CHD9: variants seen among roughly 807,000 people sequenced by gnomAD.
The protein encoded by CHD9 is ATP-dependent chromatin remodeler CHD9.
CHD9 carries 77 observed loss-of-function variants against 316.1 expected under a neutral mutation model. The ratio of observed to expected loss-of-function variants is 0.24; its 90% CI spans 0.20 to 0.29. CHD9 has a LOEUF of 0.29. Among genes scored for constraint, CHD9 ranks in the 10% least tolerant of loss-of-function variants. CHD9 has a pLI of 1.00. For synonymous variants in CHD9, 1,129 were observed against 1,158.3 expected, an observed-to-expected ratio of 0.97 and a Z score of 0.51; for missense variants, 2,763 against 3,438.1, an observed-to-expected ratio of 0.80 and a Z score of 4.91.
chr16:53,187,700 T>G (rs1454398134), intron 2 of CHD9, among the ~76,000 whole-genome samples: 1 of 152,086 alleles, frequency 6.6e-6, no homozygotes, highest in African/African-American at 2.4e-5. Flanking sequence ...TGTCAAAAAT[T>G]AAAAGATATT....
chr16:53,166,834 AATCTTTGAGAGC>A (rs1241553508), intron 2 of CHD9, among the ~76,000 whole-genome samples: 260 of 152,288 alleles, frequency 1.7e-3, no homozygotes, highest in African/African-American at 6.1e-3. Context: ...GAAAGAGGAT[AATCTTTGAGAGC>A]TGTTTTTCCT....
At chr16:53,086,201 C>A (rs563331870) in intron 1 of CHD9, among the ~76,000 whole-genome samples, 8 of 152,274 alleles carry the variant, frequency 5.3e-5, no homozygotes, top group Admixed American at 3.9e-4. Context: ...CCCAGATGTT[C>A]AGGCAACGGT....
chr16:53,074,550 G>A (rs2034363587), intron 1 of CHD9, among the ~76,000 whole-genome samples: 1 of 152,182 alleles, frequency 6.6e-6, no homozygotes, highest in African/African-American at 2.4e-5. Flanking sequence ...AGGCCCCAGG[G>A]TCCCCATGCT....
intron 2 of CHD9, among the ~76,000 whole-genome samples, chr16:53,188,471 A>G (rs185200601): frequency 6.6e-6 from 1 of 151,558 alleles, no homozygotes; most frequent in South Asian, 2.1e-4. Flanking sequence ...ATACTTGCCA[A>G]TGCCTGTTTT....
At chr16:53,132,721 G>T (rs1226517665) in intron 1 of CHD9, among the ~76,000 whole-genome samples, 1 of 149,052 alleles carries the variant, frequency 6.7e-6, no homozygotes, top group East Asian at 2.0e-4. Context: ...TTAAATAAAA[G>T]ACTTCTATTG....
rs529217172 is a variant in CHD9, at chr16:53,099,638, T to C, written c.-165+44561T>C. Among the ~76,000 whole-genome samples the C allele has an allele frequency of 5.9e-5, 9 of 152,268 alleles. No homozygotes were observed. In the South Asian group the frequency reaches 1.9e-3, roughly 32 times the overall value. On this transcript the variant is annotated intron_variant, in intron 1 of 38. Coordinates refer to ENST00000447540, the MANE Select transcript of CHD9 (RefSeq NM_001308319.2). ...GCCAGACAGAGGCAACCTGACCTCT[T>C]CCTCCTCCGGACTCCTCCGGGCGGG...
At chr16:53,286,192 T>A in intron 25 of CHD9, 34 bp from the exon 26 acceptor site, 2 of 1,281,960 alleles carry the variant, frequency 1.6e-6, no homozygotes, top group Non-Finnish European at 1.1e-6. Flanking sequence ...CTTCTTTTTA[T>A]CTTTTTTACT....
intron 2 of CHD9, among the ~76,000 whole-genome samples, chr16:53,203,514 C>G (rs147048443): frequency 7.6e-4 from 115 of 152,268 alleles, no homozygotes; most frequent in African/African-American, 2.7e-3. Context: ...TTGCTCAAGG[C>G]TTGCTATCTT....
intron 7 of CHD9, 130 bp downstream of exon 7, chr16:53,227,733 A>G (rs2047774549): frequency 4.1e-6 from 1 of 241,538 alleles, no homozygotes; most frequent in Non-Finnish European, 7.6e-6. Flanking sequence ...TTATACCTGC[A>G]TAACTCAAGA....
intron 2 of CHD9, among the ~76,000 whole-genome samples, chr16:53,164,137 T>G (rs1381840220): frequency 6.6e-6 from 1 of 152,228 alleles, no homozygotes; most frequent in African/African-American, 2.4e-5. Context: ...AATGATTTCT[T>G]CCCTCTTCTG....
chr16:53,055,406 G>C (rs751458187), intron 1 of CHD9, among the ~76,000 whole-genome samples: 2 of 152,086 alleles, frequency 1.3e-5, no homozygotes, highest in Non-Finnish European at 2.9e-5. Context: ...GTGCTGATAA[G>C]GTCCAGAGCA....
chr16:53,089,932 C>G (rs1410273274), intron 1 of CHD9, among the ~76,000 whole-genome samples: 2 of 152,176 alleles, frequency 1.3e-5, no homozygotes, highest in East Asian at 3.8e-4. Context: ...GAAAAAAATG[C>G]CAATCAAAAA....
At chr16:53,317,051 C>G (rs921475098) in intron 36 of CHD9, among the ~76,000 whole-genome samples, 4 of 151,018 alleles carry the variant, frequency 2.6e-5, no homozygotes, top group African/African-American at 9.7e-5. Context: ...CAAAAATCAG[C>G]TGGGCATGGT....
chr16:53,260,516 G>C (rs1327782192), intron 19 of CHD9, among the ~76,000 whole-genome samples: 2 of 151,964 alleles, frequency 1.3e-5, no homozygotes, highest in Non-Finnish European at 2.9e-5. Flanking sequence ...TATAATATGT[G>C]GTTTCTCGTT....
intron 21 of CHD9, 87 bp from the exon 22 acceptor site, chr16:53,267,840 A>C (rs1257009693): frequency 3.2e-5 from 38 of 1,195,638 alleles, no homozygotes; most frequent in African/African-American, 6.1e-5. Context: ...ACAATTTTTT[A>C]AAGTTTTTCA....
In CHD9 at chr16:53,062,024, C is replaced by T. The variant is rs75631092; in HGVS notation, c.-165+6947C>T. ...GCTGTCTCTTTGATCCTGCTCTGCC[C>T]GCCTCTCACCCCTGGGGCTGCCCTC... On this transcript the variant is annotated intron_variant, in intron 1 of 38. Coordinates refer to ENST00000447540, the MANE Select transcript of CHD9 (RefSeq NM_001308319.2). 1.6e-3 allele frequency among the ~76,000 whole-genome samples: 240 copies of T among 152,264 alleles called. 1 individual carries two copies. The South Asian group carries it at 0.021, about 13-fold the overall frequency.
At position 53,157,015 on chromosome 16, in the gene CHD9, A is replaced by G; in HGVS notation, c.926A>G (p.Asn309Ser). 1 of 1,612,938 alleles carries G rather than the reference A, an allele frequency of 6.2e-7. No homozygotes were observed. Among genetic ancestry groups the G allele is most frequent in the African/African-American group, 1.3e-5 (1 of 75,040 alleles). The change falls in exon 2 of 39, where the codon AAT (asparagine) becomes AGT (serine). Residue 309 changes from asparagine (N) to serine (S), a missense_variant. This residue lies in a region of CHD9 where 859 missense variants were observed against 890.4 expected (regional missense o/e 0.96). Coordinates refer to ENST00000447540, the MANE Select transcript of CHD9 (RefSeq NM_001308319.2). ...ACTTTATCTGATTTTACTGGAAGTA[A>G]TTCCTTTTCACCTCATAGAGGAATC... ...NQTLSDFTGSNSFSPHRGIKQ... is the reference protein window; with the variant it reads ...NQTLSDFTGSSSFSPHRGIKQ...
At chr16:53,228,948 G>A (rs1432819453) in intron 7 of CHD9, 35 bp from the exon 8 acceptor site, 2 of 960,398 alleles carry the variant, frequency 2.1e-6, no homozygotes, top group African/African-American at 1.7e-5. Flanking sequence ...GGTTATCTGT[G>A]TCATTCTAAT....
intron 37 of CHD9, chr16:53,319,857 A>AATT: frequency 1.6e-6 from 2 of 1,253,924 alleles, no homozygotes; most frequent in Non-Finnish European, 2.1e-6. Context: ...CTACCTGCTA[A>AATT]ATCCCCATAA....
Sources: allele counts gnomAD v4.1 joint callset (sites outside exome capture counted in the v4.1 genomes callset), GRCh38; gene constraint gnomAD v4.1.1; regional missense constraint gnomAD v4.1.1; transcripts MANE v1.5; gene names NCBI Gene and HGNC (gene_info 2026-07-23, HGNC 2026-07-21).